Variants in ARHGAP42 observed in about 807,000 individuals in gnomAD.
ARHGAP42 encodes Rho GTPase activating protein 42.
ARHGAP42 carries 63 observed loss-of-function variants against 125.0 expected under a neutral mutation model. The observed-to-expected ratio is 0.50, with a 90% confidence interval of 0.41 to 0.62. The LOEUF (loss-of-function observed/expected upper bound fraction) is 0.62. ARHGAP42 is among the 20% of genes least tolerant of loss of function. The pLI is 0.00. For missense variants in ARHGAP42, 766 were observed against 1,024.2 expected, an observed-to-expected ratio of 0.75 and a Z score of 3.44; for synonymous variants, 339 against 351.0, an observed-to-expected ratio of 0.97 and a Z score of 0.38.
intron 1 of ARHGAP42, among the ~76,000 whole-genome samples, chr11:100,734,521 T>G (rs1565546554): frequency 6.6e-6 from 1 of 152,130 alleles, no homozygotes; most frequent in Admixed American, 6.5e-5. Context: ...CCTCAGGTGA[T>G]CCGCCCTACT....
chr11:100,720,438 A>G (rs989178205), intron 1 of ARHGAP42, among the ~76,000 whole-genome samples: 5 of 152,244 alleles, frequency 3.3e-5, no homozygotes, highest in Non-Finnish European at 7.3e-5. Flanking sequence ...CCTATTTTCC[A>G]AACTTTCTCT....
intron 4 of ARHGAP42, among the ~76,000 whole-genome samples, chr11:100,906,598 T>C (rs1199746227): frequency 1.3e-5 from 2 of 152,088 alleles, no homozygotes; most frequent in Non-Finnish European, 2.9e-5. Context: ...AAATTCATTC[T>C]GGAAATATTC....
In ARHGAP42 at chr11:100,968,846, A is replaced by G. The variant is rs185251112; in HGVS notation, c.1550+3070A>G. Among the ~76,000 whole-genome samples the G allele has an allele frequency of 2.1e-4, 32 of 152,256 alleles. No individual in the cohort carries two copies. In the East Asian group the frequency reaches 4.8e-3, roughly 23 times the overall value. On this transcript the variant is annotated intron_variant, in intron 17 of 23. Transcript: ENST00000298815. ...ATTATTAATACATACATATTATTAA[A>G]ATTGCATTTTAAAATCAAGAAAAGG...
intron 3 of ARHGAP42, among the ~76,000 whole-genome samples, chr11:100,847,460 C>G (rs1014352811): frequency 6.6e-6 from 1 of 152,072 alleles, no homozygotes; most frequent in Non-Finnish European, 1.5e-5. Context: ...TTTAAGGACC[C>G]TTGGATACTG....
At chr11:100,849,190 G>A (rs1217105846) in intron 3 of ARHGAP42, among the ~76,000 whole-genome samples, 3 of 151,912 alleles carry the variant, frequency 2.0e-5, no homozygotes. Flanking sequence ...TTTGTCATAT[G>A]TTTTAAAGAG....
chr11:100,992,653 A>C lies in ARHGAP42; in HGVS notation c.*3852A>C, dbSNP rs750148725. 1.9e-6 allele frequency: 3 copies of C among 1,611,096 alleles called. No homozygotes were observed. The highest frequency in any genetic ancestry group is 2.2e-5 in the South Asian group (2 of 90,342). ...TTATCCCCCTGCTTCAAAATGTGCC[A>C]GTTCCACTTGGTAATAACGTTGGGA... is the stretch of plus-strand genomic sequence containing the variant. On this transcript the variant is annotated 3_prime_UTR_variant, in exon 24 of 24. Coordinates refer to ENST00000298815, the MANE Select transcript of ARHGAP42 (RefSeq NM_152432.4).
At chr11:100,914,255 A>T (rs79550445) in intron 5 of ARHGAP42, among the ~76,000 whole-genome samples, 3,638 of 152,204 alleles carry the variant, frequency 0.024, 65 homozygotes, top group Non-Finnish European at 0.034. Context: ...TTAAAATCTC[A>T]ATTATTTTAT....
chr11:100,962,662 A>C (rs1565296769), intron 16 of ARHGAP42, among the ~76,000 whole-genome samples, 195 bp downstream of exon 16: 2 of 152,220 alleles, frequency 1.3e-5, no homozygotes, highest in Non-Finnish European at 2.9e-5. Flanking sequence ...GGATCACCTG[A>C]GGTCGGGAGT....
At chr11:100,825,305 T>A (rs1360418780) in intron 3 of ARHGAP42, among the ~76,000 whole-genome samples, 3 of 152,198 alleles carry the variant, frequency 2.0e-5, no homozygotes, top group African/African-American at 7.2e-5. Flanking sequence ...GGGTGTTACT[T>A]CTGTAACATT....
At chr11:100,897,941 A>G (rs1866409684) in intron 4 of ARHGAP42, among the ~76,000 whole-genome samples, 1 of 152,190 alleles carries the variant, frequency 6.6e-6, no homozygotes, top group Non-Finnish European at 1.5e-5. Flanking sequence ...GAATGTTTCC[A>G]GTTTTTGCCC....
chr11:100,802,243 G>C (rs1863872313), intron 3 of ARHGAP42, among the ~76,000 whole-genome samples: 1 of 152,128 alleles, frequency 6.6e-6, no homozygotes, highest in African/African-American at 2.4e-5. Flanking sequence ...AACATAACAA[G>C]AGAACTCCCT....
rs552521918 is a variant in ARHGAP42 at position 100,978,944 on chromosome 11, T to C, written c.2394-43T>C. On this transcript the variant is annotated intron_variant, in intron 21 of 23. Coordinates refer to ENST00000298815, the MANE Select transcript of ARHGAP42 (RefSeq NM_152432.4). ...GAATTTCACTTTGAGCAGAACTGAA[T>C]GTGATTGACTTCATGAAACTTGCAT... 2.1e-5 allele frequency: 33 copies of C among 1,540,322 alleles called. 1 individual carries two copies. The South Asian group carries it at 3.6e-4, about 17-fold the overall frequency.
intron 22 of ARHGAP42, among the ~76,000 whole-genome samples, chr11:100,980,232 G>A (rs1024420946): frequency 5.9e-5 from 9 of 152,100 alleles, no homozygotes; most frequent in African/African-American, 1.7e-4. Flanking sequence ...TTTGACCGAA[G>A]CATGGTGAAA....
At chr11:100,941,251 G>A (rs1159783196) in intron 8 of ARHGAP42, among the ~76,000 whole-genome samples, 1 of 152,168 alleles carries the variant, frequency 6.6e-6, no homozygotes, top group African/African-American at 2.4e-5. Context: ...GCAGTGGGAT[G>A]TGAGATGGAG....
intron 3 of ARHGAP42, among the ~76,000 whole-genome samples, chr11:100,795,813 C>T (rs933113132): frequency 6.6e-6 from 1 of 152,176 alleles, no homozygotes; most frequent in Admixed American, 6.5e-5. Flanking sequence ...ATATATCCCA[C>T]AGGATTGTTG....
intron 1 of ARHGAP42, among the ~76,000 whole-genome samples, chr11:100,698,821 C>T (rs375049781): frequency 9.2e-5 from 14 of 151,998 alleles, no homozygotes; most frequent in African/African-American, 3.4e-4. Context: ...ACACTGTTTG[C>T]GGGAGATTTG....
intron 22 of ARHGAP42, chr11:100,986,202 A>G (rs1858674741): frequency 1.4e-5 from 6 of 419,198 alleles, no homozygotes; most frequent in Non-Finnish European, 2.4e-5. Flanking sequence ...TGCAGACTTG[A>G]AGCAGGAAGA....
At chr11:100,962,548 G>A in intron 16 of ARHGAP42, 81 bp downstream of exon 16, 1 of 1,240,618 alleles carries the variant, frequency 8.1e-7, no homozygotes, top group Non-Finnish European at 1.1e-6. Context: ...ACTAGTATCA[G>A]CTAGTGAAGA....
At chr11:100,877,249 G>A (rs960295041) in intron 4 of ARHGAP42, among the ~76,000 whole-genome samples, 4 of 152,028 alleles carry the variant, frequency 2.6e-5, no homozygotes, top group African/African-American at 9.7e-5. Flanking sequence ...GAAAACTAAA[G>A]CTCAGATGCA....
Sources: allele counts gnomAD v4.1 joint callset (sites outside exome capture counted in the v4.1 genomes callset), GRCh38; gene constraint gnomAD v4.1.1; transcripts MANE v1.5; gene names NCBI Gene and HGNC (gene_info 2026-07-23, HGNC 2026-07-21).